Variants in DLGAP2 observed in about 807,000 individuals in gnomAD.
DLGAP2 encodes the protein disks large-associated protein 2.
A neutral mutation model predicts 100.3 loss-of-function variants in DLGAP2; 26 were observed. The ratio of observed to expected loss-of-function variants is 0.26; its 90% CI spans 0.19 to 0.36. The LOEUF (loss-of-function observed/expected upper bound fraction) is 0.36. Ranked by LOEUF, DLGAP2 falls within the 10% of genes least tolerant of loss-of-function variation. The pLI, the probability that DLGAP2 is intolerant of heterozygous loss-of-function variation, is 1.00. For missense variants in DLGAP2, 1,858 were observed against 1,453.2 expected (o/e 1.28, Z -4.53); for synonymous variants, 886 against 630.1 (o/e 1.41, Z -6.08).
intron 1 of DLGAP2, among the ~76,000 whole-genome samples, chr8:907,709 C>T (rs1438613815): frequency 1.3e-5 from 2 of 152,192 alleles, no homozygotes; most frequent in Admixed American, 1.3e-4. Flanking sequence ...ATGATAATCA[C>T]ACTCACCTGA....
chr8:1,366,063 C>T (rs1337885664), intron 3 of DLGAP2, among the ~76,000 whole-genome samples: 2 of 152,256 alleles, frequency 1.3e-5, no homozygotes, highest in South Asian at 2.1e-4. Context: ...CGGGCAGGGG[C>T]AGATGTGCCT....
chr8:1,524,122 G>A (rs946507133), intron 4 of DLGAP2, among the ~76,000 whole-genome samples: 2 of 152,162 alleles, frequency 1.3e-5, no homozygotes, highest in African/African-American at 2.4e-5. Flanking sequence ...CCCCAGACGG[G>A]GCTGGCCTTG....
chr8:1,306,091 A>AAG (rs1177995079), intron 3 of DLGAP2, among the ~76,000 whole-genome samples: 11 of 131,456 alleles, frequency 8.4e-5, no homozygotes, highest in African/African-American at 1.2e-4. Flanking sequence ...AAAAAAAAAA[A>AAG]AGAGAGAGGG....
At chr8:1,660,647 A>T (rs528895752) in intron 8 of DLGAP2, among the ~76,000 whole-genome samples, 85 of 152,288 alleles carry the variant, frequency 5.6e-4, no homozygotes, top group Middle Eastern at 3.4e-3. Flanking sequence ...TTCTATTAAA[A>T]CTATGTGTTG....
At chr8:1,680,401 G>A (rs1425506568) in intron 12 of DLGAP2, 1 of 152,246 alleles carries the variant, frequency 6.6e-6, no homozygotes, top group African/African-American at 2.4e-5. Context: ...AGCCTCGGCA[G>A]TCTGAGAAAA....
intron 1 of DLGAP2, among the ~76,000 whole-genome samples, chr8:876,731 C>T (rs533474435): frequency 1.3e-5 from 2 of 152,160 alleles, no homozygotes; most frequent in South Asian, 4.2e-4. Context: ...TTTTTTGCTG[C>T]TTTCTCTTAC....
intron 2 of DLGAP2, among the ~76,000 whole-genome samples, chr8:1,062,671 C>T (rs951420828): frequency 1.3e-5 from 2 of 152,144 alleles, no homozygotes; most frequent in African/African-American, 2.4e-5. Flanking sequence ...GGCCATAGGT[C>T]TTGCCTTTCT....
At chr8:1,679,788 C>T (rs1056843593) in intron 12 of DLGAP2, among the ~76,000 whole-genome samples, 1 of 152,096 alleles carries the variant, frequency 6.6e-6, no homozygotes, top group African/African-American at 2.4e-5. Flanking sequence ...TACAGATCAG[C>T]CTGGCCAACA....
chr8:946,057 C>T (rs983952027), intron 2 of DLGAP2, among the ~76,000 whole-genome samples: 3 of 152,100 alleles, frequency 2.0e-5, no homozygotes, highest in Non-Finnish European at 2.9e-5. Flanking sequence ...AACTTGCCTT[C>T]CAGGGCTGCA....
chr8:1,378,323 CCTGT>C (rs1256777902), intron 3 of DLGAP2, among the ~76,000 whole-genome samples: 3 of 150,514 alleles, frequency 2.0e-5, no homozygotes, highest in Non-Finnish European at 4.4e-5. Flanking sequence ...CCTGACTTCA[CCTGT>C]CTGTCCTGCA....
intron 3 of DLGAP2, among the ~76,000 whole-genome samples, chr8:1,438,212 C>T (rs140519850): frequency 7.2e-5 from 11 of 152,238 alleles, no homozygotes; most frequent in Non-Finnish European, 8.8e-5. Flanking sequence ...TTTTAAAATG[C>T]ATTTTAAATA....
intron 1 of DLGAP2, among the ~76,000 whole-genome samples, chr8:804,033 A>T (rs952406630): frequency 6.6e-6 from 1 of 152,088 alleles, no homozygotes; most frequent in African/African-American, 2.4e-5. Flanking sequence ...TTTTAGATTT[A>T]TATGGTGGCG....
At chr8:824,987 G>A (rs1796659977) in intron 1 of DLGAP2, among the ~76,000 whole-genome samples, 2 of 152,270 alleles carry the variant, frequency 1.3e-5, no homozygotes, top group South Asian at 2.1e-4. Flanking sequence ...GCGGTCTTTG[G>A]AGCGATGTCT....
chr8:1,222,314 T>A (rs1050156011), intron 2 of DLGAP2, among the ~76,000 whole-genome samples: 1 of 152,182 alleles, frequency 6.6e-6, no homozygotes, highest in Non-Finnish European at 1.5e-5. Context: ...CTGGGCTCAG[T>A]CAGTTCACTT....
chr8:898,739 C>G (rs149214169), intron 1 of DLGAP2, among the ~76,000 whole-genome samples: 1 of 152,182 alleles, frequency 6.6e-6, no homozygotes, highest in East Asian at 1.9e-4. Flanking sequence ...TCACAAAGCA[C>G]GTGGAAGCTG....
rs146328141 is a variant in DLGAP2, at chr8:1,255,012, C to T, written c.74-3839C>T. ...TGTGTGTCCTCTCATCCTGCTTGGG[C>T]GCTGTGTGTGTGTCTTCTCCTGCCC... On this transcript the variant is annotated intron_variant, in intron 2 of 14. Coordinates refer to ENST00000637795, the MANE Select transcript of DLGAP2 (RefSeq NM_001346810.2). Among the ~76,000 whole-genome samples, 539 of 76,258 alleles carry T rather than the reference C, an allele frequency of 7.1e-3. 18 individuals carry two copies. The highest frequency in any genetic ancestry group is 0.029 in the African/African-American group (385 of 13,170). The allele number at this position is 76,258 out of a possible 152,430, so 50.0% of individuals were successfully genotyped here.
chr8:892,697 G>C (rs970036581), intron 1 of DLGAP2, among the ~76,000 whole-genome samples: 5 of 152,182 alleles, frequency 3.3e-5, no homozygotes, highest in Non-Finnish European at 1.5e-5. Flanking sequence ...GCAGAACAGA[G>C]AGGCGGGGGA....
chr8:1,501,942 C>T (rs956550267), intron 4 of DLGAP2, among the ~76,000 whole-genome samples: 3 of 152,208 alleles, frequency 2.0e-5, no homozygotes, highest in Non-Finnish European at 4.4e-5. Context: ...GTGGAAATTT[C>T]ATTTCTGAGC....
rs1272795137 is a variant in DLGAP2, at chr8:1,236,343, G to A, written c.74-22508G>A. 2.9e-4 allele frequency among the ~76,000 whole-genome samples: 17 copies of A among 58,226 alleles called. 1 individual carries two copies. The highest frequency in any genetic ancestry group is 2.3e-3 in the South Asian group (4 of 1,722). 38.2% of individuals were successfully genotyped at this position (58,226 alleles called of 152,430 possible). A position where few individuals can be genotyped will look rare whatever the true frequency, so the allele number is the denominator to read the frequency against. On this transcript the variant is annotated intron_variant, in intron 2 of 14. Transcript: ENST00000637795. ...GTGTCTGGTTCTCTCACATGGCGCC[G>A]TGTCTAGTTCTCTCCCATGGCGCCG... is the stretch of plus-strand genomic sequence containing the variant.
Sources: allele counts gnomAD v4.1 joint callset (sites outside exome capture counted in the v4.1 genomes callset), GRCh38; gene constraint gnomAD v4.1.1; transcripts MANE v1.5; gene names NCBI Gene and HGNC (gene_info 2026-07-23, HGNC 2026-07-21).